RERE: variants seen among roughly 807,000 people sequenced by gnomAD.
The protein encoded by RERE is arginine-glutamic acid dipeptide repeats protein.
In RERE, 40 loss-of-function variants were observed where a neutral mutation model predicts 146.1. That is an observed-to-expected ratio of 0.27 (90% confidence interval 0.21 to 0.36). RERE has a LOEUF of 0.36. Among genes scored for constraint, RERE ranks in the 10% least tolerant of loss-of-function variants. The pLI is 1.00. For missense variants in RERE, 1,933 were observed against 2,138.7 expected, an observed-to-expected ratio of 0.90 and a Z score of 1.90; for synonymous variants, 1,003 against 866.0, an observed-to-expected ratio of 1.16 and a Z score of -2.78.
chr1:8,726,479 T>C (rs1639972445), intron 1 of RERE, among the ~76,000 whole-genome samples: 1 of 151,952 alleles, frequency 6.6e-6, no homozygotes, highest in South Asian at 2.1e-4. Flanking sequence ...TCTAAGACAG[T>C]ATTGTAAACC....
chr1:8,654,415 T>G (rs1223182481), intron 2 of RERE, among the ~76,000 whole-genome samples: 1 of 152,140 alleles, frequency 6.6e-6, no homozygotes, highest in African/African-American at 2.4e-5. Context: ...TTCATAACAG[T>G]AACAGCATTC....
intron 1 of RERE, among the ~76,000 whole-genome samples, chr1:8,683,119 TTACAA>T (rs1173040618): frequency 6.6e-6 from 1 of 150,924 alleles, no homozygotes; most frequent in African/African-American, 2.4e-5. Flanking sequence ...ATAACAAATG[TTACAA>T]ATTATCCATA....
chr1:8,751,609 T>C (rs758861432), intron 1 of RERE, among the ~76,000 whole-genome samples: 36 of 152,154 alleles, frequency 2.4e-4, no homozygotes, highest in Non-Finnish European at 4.6e-4. Flanking sequence ...CATGCATGGC[T>C]TATTATTCTG....
chr1:8,810,442 T>TA (rs1557556839), intron 1 of RERE, among the ~76,000 whole-genome samples: 2 of 152,058 alleles, frequency 1.3e-5, no homozygotes, highest in South Asian at 2.1e-4. Flanking sequence ...TCTGTCTCTA[T>TA]AAAAAATACA....
chr1:8,546,154 A>T (rs1044791441), intron 6 of RERE, among the ~76,000 whole-genome samples: 3 of 150,328 alleles, frequency 2.0e-5, no homozygotes, highest in African/African-American at 7.3e-5. Flanking sequence ...CACACCCAAC[A>T]ATTTTTTGTA....
At chr1:8,800,359 AT>A (rs1303743412) in intron 1 of RERE, among the ~76,000 whole-genome samples, 1 of 152,180 alleles carries the variant, frequency 6.6e-6, no homozygotes, top group African/African-American at 2.4e-5. Flanking sequence ...TGAAGCTTTT[AT>A]TATTTAAATG....
chr1:8,497,574 T>G (rs753991824), intron 8 of RERE, 45 bp from the exon 9 acceptor site: 2 of 1,607,592 alleles, frequency 1.2e-6, no homozygotes, highest in Admixed American at 3.3e-5. Context: ...CATGTATTAA[T>G]TATAAAGAGC....
At chr1:8,359,719 G>A (rs746404984) in intron 19 of RERE, 45 bp downstream of exon 19, 4 of 1,587,416 alleles carry the variant, frequency 2.5e-6, no homozygotes, top group African/African-American at 2.7e-5. Context: ...CCAGGCGCAG[G>A]ATGGACCAGC....
At chr1:8,471,912 T>C (rs1217586005) in intron 10 of RERE, among the ~76,000 whole-genome samples, 1 of 152,130 alleles carries the variant, frequency 6.6e-6, no homozygotes, top group East Asian at 1.9e-4. Context: ...CCCGGATTCA[T>C]GTGATTCTTC....
At chr1:8,361,997 C>T (rs969782146) in intron 16 of RERE, 121 bp from the exon 17 acceptor site, 3 of 694,056 alleles carry the variant, frequency 4.3e-6, no homozygotes, top group Non-Finnish European at 2.4e-6. Flanking sequence ...TCTCCAGGAG[C>T]AAAAAGCTCT....
In RERE at chr1:8,484,630, C is replaced by T. The variant is rs149031675; in HGVS notation, c.1104+10433G>A. ...TAGAGATGAGGTTTCACTATGTTAG[C>T]CAGGCTGGTATGGAACTCCCAGCCT... On this transcript the variant is annotated intron_variant, in intron 10 of 22. Coordinates refer to ENST00000400908, the MANE Select transcript of RERE (RefSeq NM_001042681.2). 8.0e-3 allele frequency among the ~76,000 whole-genome samples: 1,212 copies of T among 152,156 alleles called. 13 individuals are homozygous for T. The highest frequency in any genetic ancestry group is 0.028 in the African/African-American group (1,159 of 41,512).
chr1:8,492,702 C>CAATTG (rs1644994057), intron 10 of RERE, among the ~76,000 whole-genome samples: 1 of 152,130 alleles, frequency 6.6e-6, no homozygotes, highest in African/African-American at 2.4e-5. Context: ...GAGTCCGAGA[C>CAATTG]CAGCCTGGGC....
At chr1:8,789,301 A>AAAAAAAACATATAT in intron 1 of RERE, among the ~76,000 whole-genome samples, 1 of 24,826 alleles carries the variant, frequency 4.0e-5, no homozygotes, top group African/African-American at 2.3e-4. Context: ...AAAAAAAAAA[A>AAAAAAAACATATAT]ATATATATAT....
Position 8,360,724 on chromosome 1 carries a change from A to C in RERE, c.2783T>G (p.Ile928Ser). Residue 928 changes from isoleucine to serine, a missense_variant, in exon 18 of 23, where the codon ATC (isoleucine) becomes AGC (serine). This residue lies in a region of RERE where 1,255 missense variants were observed against 1,153.8 expected (regional missense o/e 1.09). Coordinates refer to ENST00000400908, the MANE Select transcript of RERE (RefSeq NM_001042681.2). ...GATGGGAGTGGTAGGCGGGGGCTTG[A>C]TGTGGGGCATGGCCAAGGGCGCTGG... is the stretch of plus-strand genomic sequence containing the variant. ...LPPAPLAMPH[I>S]KPPPTTPIPQ... is the part of the protein sequence containing the mutation. 1.3e-6 allele frequency: 2 copies of C among 1,587,936 alleles called. No individual in the cohort carries two copies. Among genetic ancestry groups the C allele is most frequent in the Non-Finnish European group, 1.7e-6 (2 of 1,169,620 alleles).
intron 6 of RERE, 130 bp downstream of exon 6, chr1:8,556,345 C>A (rs12122737): frequency 0.19 from 113,873 of 591,052 alleles, 11,694 homozygotes; most frequent in Middle Eastern, 0.26. Context: ...CGGACACTGG[C>A]ATGTTCACTG....
chr1:8,807,564 G>A (rs1246385025), intron 1 of RERE, among the ~76,000 whole-genome samples: 1 of 152,122 alleles, frequency 6.6e-6, no homozygotes, highest in Non-Finnish European at 1.5e-5. Context: ...CTTTCTTCTT[G>A]AATCTCTCTA....
intron 1 of RERE, among the ~76,000 whole-genome samples, chr1:8,707,393 G>A (rs1639579075): frequency 6.6e-6 from 1 of 152,050 alleles, no homozygotes; most frequent in Non-Finnish European, 1.5e-5. Context: ...CATTATTCCA[G>A]ACCCTTAACC....
At chr1:8,383,780 G>C (rs1190472449) in intron 12 of RERE, among the ~76,000 whole-genome samples, 3 of 151,962 alleles carry the variant, frequency 2.0e-5, no homozygotes, top group Admixed American at 2.0e-4. Context: ...AATCGCTTGA[G>C]CCCGGGAGGT....
intron 10 of RERE, among the ~76,000 whole-genome samples, chr1:8,476,694 C>G (rs561768203): frequency 6.6e-6 from 1 of 152,200 alleles, no homozygotes; most frequent in Non-Finnish European, 1.5e-5. Context: ...TGAACAGCAA[C>G]AACCACATAA....
Sources: allele counts gnomAD v4.1 joint callset (sites outside exome capture counted in the v4.1 genomes callset), GRCh38; gene constraint gnomAD v4.1.1; regional missense constraint gnomAD v4.1.1; transcripts MANE v1.5; gene names NCBI Gene and HGNC (gene_info 2026-07-23, HGNC 2026-07-21).